The following PKHD1 variants were observed in gnomAD, a reference collection of about 807,000 sequenced individuals.
PKHD1 encodes the protein PKHD1 ciliary IPT domain containing fibrocystin/polyductin.
In PKHD1, 291 loss-of-function variants were observed where a neutral mutation model predicts 412.0. That is an observed-to-expected ratio of 0.71 (90% CI 0.64 to 0.78). The LOEUF is 0.78. Among genes scored for constraint, PKHD1 ranks in the 30% least tolerant of loss-of-function variants. The probability of loss-of-function intolerance (pLI) is 0.00; values close to 1 mark genes in which losing one functional copy is unlikely to be tolerated. For missense variants in PKHD1, 4,825 were observed against 4,950.7 expected (o/e 0.97, Z 0.76); for synonymous variants, 1,777 against 1,821.5 (o/e 0.98, Z 0.62).
At chr6:51,745,771 CACAA>C (rs1785114744) in intron 59 of PKHD1, among the ~76,000 whole-genome samples, 1 of 152,114 alleles carries the variant, frequency 6.6e-6, no homozygotes, top group Non-Finnish European at 1.5e-5. Flanking sequence ...GTTATAGCAG[CACAA>C]ACAGACTAAG....
chr6:52,035,573 T>C lies in PKHD1; in HGVS notation c.3228+18A>G. 1 of 1,611,722 alleles carries C rather than the reference T, an allele frequency of 6.2e-7. No individual in the cohort carries two copies. Among genetic ancestry groups the C allele is most frequent in the African/African-American group, 1.3e-5 (1 of 74,964 alleles). ...TCACTCACCCAGAGAGAAAGAGATA[T>C]GAAAGGAATCCACTTACCCTGGGTG... is the stretch of plus-strand genomic sequence containing the variant. On this transcript the variant is annotated intron_variant, in intron 28 of 66. Coordinates refer to ENST00000371117, the MANE Select transcript of PKHD1 (RefSeq NM_138694.4).
At chr6:52,065,536 A>T (rs1809559778) in intron 12 of PKHD1, among the ~76,000 whole-genome samples, 1 of 152,112 alleles carries the variant, frequency 6.6e-6, no homozygotes, top group African/African-American at 2.4e-5. Flanking sequence ...AAGGCTCTAG[A>T]CAGGTCCATA....
intron 60 of PKHD1, among the ~76,000 whole-genome samples, chr6:51,742,304 T>C (rs923931348): frequency 6.6e-6 from 1 of 152,202 alleles, no homozygotes; most frequent in Admixed American, 6.5e-5. Flanking sequence ...ACTGTAGTCC[T>C]TACAGCTTTT....
At chr6:51,874,540 A>T (rs1776538537) in intron 46 of PKHD1, among the ~76,000 whole-genome samples, 1 of 152,220 alleles carries the variant, frequency 6.6e-6, no homozygotes, top group Admixed American at 6.5e-5. Context: ...TCCAGAAAGT[A>T]ATGTTTATTT....
At chr6:51,976,546 C>T (rs944197665) in intron 35 of PKHD1, among the ~76,000 whole-genome samples, 3 of 152,300 alleles carry the variant, frequency 2.0e-5, no homozygotes, top group Admixed American at 2.0e-4. Flanking sequence ...ACGAAAACAT[C>T]CTTGAGACGG....
At chr6:52,034,448 T>C (rs1008386076) in intron 28 of PKHD1, among the ~76,000 whole-genome samples, 5 of 152,148 alleles carry the variant, frequency 3.3e-5, no homozygotes, top group Non-Finnish European at 7.4e-5. Flanking sequence ...TTAATGTTTA[T>C]GTTCTCTGGT....
intron 34 of PKHD1, among the ~76,000 whole-genome samples, chr6:52,016,828 T>G (rs1800614780): frequency 6.6e-6 from 1 of 152,142 alleles, no homozygotes; most frequent in African/African-American, 2.4e-5. Flanking sequence ...GTCACACTTC[T>G]TTTTTATTTG....
At chr6:51,990,338 C>T (rs1180472568) in intron 35 of PKHD1, among the ~76,000 whole-genome samples, 3 of 152,198 alleles carry the variant, frequency 2.0e-5, no homozygotes, top group Non-Finnish European at 4.4e-5. Context: ...TACATCTTAA[C>T]AACCTTGTGC....
At chr6:51,852,747 T>C (rs1583037289) in intron 49 of PKHD1, among the ~76,000 whole-genome samples, 4 of 146,990 alleles carry the variant, frequency 2.7e-5, no homozygotes, top group Admixed American at 2.7e-4. Context: ...TTTTTTTTTC[T>C]TTCCATTTGC....
chr6:51,682,094 G>T, intron 60 of PKHD1: 1 of 375,720 alleles, frequency 2.7e-6, no homozygotes, highest in Non-Finnish European at 5.4e-6. Flanking sequence ...ACAGCATCAG[G>T]GTAGACTAGG....
intron 63 of PKHD1, among the ~76,000 whole-genome samples, chr6:51,639,561 T>A (rs1769066332): frequency 1.3e-5 from 2 of 151,916 alleles, no homozygotes; most frequent in African/African-American, 4.8e-5. Flanking sequence ...TGCCTGAGCC[T>A]TGGCTTCCCT....
intron 48 of PKHD1, among the ~76,000 whole-genome samples, chr6:51,858,299 G>A (rs1230466494): frequency 1.3e-5 from 2 of 152,146 alleles, no homozygotes; most frequent in African/African-American, 4.8e-5. Flanking sequence ...TTTGCGCTCA[G>A]TCATCATGGC....
intron 60 of PKHD1, among the ~76,000 whole-genome samples, chr6:51,662,150 T>C (rs1311022745): frequency 6.6e-6 from 1 of 151,918 alleles, no homozygotes; most frequent in Non-Finnish European, 1.5e-5. Flanking sequence ...ACAGTACTTT[T>C]ATGGGAAAAT....
intron 33 of PKHD1, among the ~76,000 whole-genome samples, chr6:52,019,110 CAT>C (rs1188364715): frequency 6.6e-6 from 1 of 152,150 alleles, no homozygotes. Flanking sequence ...CAAAGCTCCA[CAT>C]GAGATGGTTT....
At chr6:51,775,969 GAA>G in intron 53 of PKHD1, 48 bp from the exon 54 acceptor site, 1 of 883,680 alleles carries the variant, frequency 1.1e-6, no homozygotes, top group East Asian at 2.4e-5. Flanking sequence ...GAAATTAAAA[GAA>G]AGAGAGGGAG....
In PKHD1 at chr6:52,042,885, A is replaced by C. The variant is rs1285186149; in HGVS notation, c.3071T>G (p.Val1024Gly). The C allele has an allele frequency of 1.7e-5, 28 of 1,613,926 alleles. No individual in the cohort carries two copies. Among genetic ancestry groups the C allele is most frequent in the Non-Finnish European group, 2.3e-5 (27 of 1,179,842 alleles). Residue 1024 changes from valine to glycine, a missense_variant, in exon 27 of 67, where the codon GTG becomes GGG. Physicochemically the swap from Val to Gly is moderately radical, Grantham distance 109. Coordinates refer to ENST00000371117, the MANE Select transcript of PKHD1 (RefSeq NM_138694.4). Reference sequence around the variant, plus strand: ...AATATCCGCAGCTCTGGAAGGCTCCACCATATCCAGTCTAGGTTTCACATT... The same window carrying C: ...AATATCCGCAGCTCTGGAAGGCTCCCCCATATCCAGTCTAGGTTTCACATT... The part of the protein sequence containing the change: ...FLNVKPRLDM[V>G]EPSRAADIGG...
In PKHD1 at chr6:52,010,361, G is replaced by C; in HGVS notation, c.5699C>G (p.Pro1900Arg). Residue 1900 changes from proline (P) to arginine (R), a missense_variant, in exon 35 of 67, where the codon CCA (proline) becomes CGA (arginine). Transcript: ENST00000371117. ...AEMECETPNQPITVKITEIRK... is the reference protein window; with the variant it reads ...AEMECETPNQRITVKITEIRK... The stretch of plus-strand genomic sequence containing the variant: ...TATCTCAGTAATCTTGACGGTAATT[G>C]GCTGATTGGGCGTCTCACACTCCAT... 6.2e-7 allele frequency: 1 copy of C among 1,613,482 alleles called. No individual in the cohort carries two copies. The highest frequency in any genetic ancestry group is 8.5e-7 in the Non-Finnish European group (1 of 1,179,526).
intron 37 of PKHD1, among the ~76,000 whole-genome samples, chr6:51,926,613 G>T (rs1334042673): frequency 6.6e-6 from 1 of 152,048 alleles, no homozygotes; most frequent in Admixed American, 6.6e-5. Context: ...GAAATTAAAA[G>T]ACCTTAAAAA....
At chr6:51,868,427 A>G (rs1261246368) in intron 47 of PKHD1, among the ~76,000 whole-genome samples, 2 of 151,460 alleles carry the variant, frequency 1.3e-5, no homozygotes, top group African/African-American at 2.4e-5. Flanking sequence ...ACTATTTTCA[A>G]TCATTTTTGG....
Sources: allele counts gnomAD v4.1 joint callset (sites outside exome capture counted in the v4.1 genomes callset), GRCh38; gene constraint gnomAD v4.1.1; transcripts MANE v1.5; gene names NCBI Gene and HGNC (gene_info 2026-07-23, HGNC 2026-07-21).